Variants in AQR observed in about 807,000 individuals in gnomAD.
AQR encodes the protein RNA helicase aquarius.
Under a neutral mutation model 180.5 loss-of-function variants are expected in AQR, and 61 were observed. The observed-to-expected ratio is 0.34, with a 90% CI of 0.28 to 0.42. AQR has a LOEUF of 0.42. AQR is among the 10% of genes least tolerant of loss of function. The pLI is 1.00. For missense variants in AQR, 1,281 were observed against 1,798.3 expected, an observed-to-expected ratio of 0.71 and a Z score of 5.20; for synonymous variants, 551 against 588.8, an observed-to-expected ratio of 0.94 and a Z score of 0.93.
intron 5 of AQR, among the ~76,000 whole-genome samples, chr15:34,947,006 G>C (rs1894137654): frequency 6.6e-6 from 1 of 152,218 alleles, no homozygotes; most frequent in African/African-American, 2.4e-5. Flanking sequence ...CCGTCTGGGA[G>C]GTGTGCCCAA....
chr15:34,964,314 G>GT, intron 1 of AQR, 24 bp from the exon 2 acceptor site: 1 of 1,567,024 alleles, frequency 6.4e-7, no homozygotes, highest in Non-Finnish European at 8.8e-7. Context: ...AGTATAAACA[G>GT]TAAGTCCCAG....
At chr15:34,948,992 CT>C (rs752603530) in intron 4 of AQR, among the ~76,000 whole-genome samples, 3 of 150,534 alleles carry the variant, frequency 2.0e-5, no homozygotes, top group South Asian at 4.2e-4. Flanking sequence ...TTACTTAAGG[CT>C]TTTTTTTTGT....
At chr15:34,902,117 T>C (rs1233367636) in intron 19 of AQR, among the ~76,000 whole-genome samples, 1 of 152,168 alleles carries the variant, frequency 6.6e-6, no homozygotes, top group African/African-American at 2.4e-5. Context: ...GGCATTTTTA[T>C]TGAACTCAAG....
intron 20 of AQR, among the ~76,000 whole-genome samples, chr15:34,899,727 G>T (rs1893301828): frequency 6.6e-6 from 1 of 151,528 alleles, no homozygotes; most frequent in Non-Finnish European, 1.5e-5. Flanking sequence ...TAATTTCTAG[G>T]CAAGAAAGTA....
intron 1 of AQR, among the ~76,000 whole-genome samples, chr15:34,967,588 G>GA (rs1197749864): frequency 1.3e-5 from 2 of 151,828 alleles, no homozygotes; most frequent in East Asian, 1.9e-4. Flanking sequence ...AAGGTGGGGA[G>GA]AAAAAAAATG....
At chr15:34,886,759 G>A in intron 24 of AQR, 98 bp from the exon 25 acceptor site, 13 of 1,244,178 alleles carry the variant, frequency 1.0e-5, no homozygotes, top group Middle Eastern at 2.3e-4. Flanking sequence ...GCAAAGAAGA[G>A]GAAAAAAAAC....
chr15:34,896,723 C>T (rs1181654112), intron 22 of AQR, among the ~76,000 whole-genome samples, 174 bp downstream of exon 22: 1 of 152,032 alleles, frequency 6.6e-6, no homozygotes, highest in South Asian at 2.1e-4. Context: ...GTGGCGGGTA[C>T]CTGTAATCTC....
At chr15:34,956,120 T>C (rs991390807) in intron 3 of AQR, among the ~76,000 whole-genome samples, 3 of 152,192 alleles carry the variant, frequency 2.0e-5, no homozygotes, top group Admixed American at 6.5e-5. Context: ...TATGAATTAT[T>C]ACTATAATTC....
rs1894073020 is a variant in AQR, at chr15:34,944,145, T to C, written c.471+143A>G. 1.3e-5 allele frequency: 9 copies of C among 679,166 alleles called. 1 individual carries two copies. In the Admixed American group the frequency reaches 2.6e-4, roughly 20 times the overall value. 42.1% of individuals were successfully genotyped at this position (679,166 alleles called of 1,614,324 possible). ...CTTATAAAATGGTTTTACTGATAAG[T>C]GGCTGAAATCAAGCTTTTAGCATTA... On this transcript the variant is annotated intron_variant, in intron 6 of 34. Transcript: ENST00000156471.
rs1229807999 is a variant in AQR at position 34,969,692 on chromosome 15, G to C, written c.-79C>G. On this transcript the variant is annotated 5_prime_UTR_variant, in exon 1 of 35. Coordinates refer to ENST00000156471, the MANE Select transcript of AQR (RefSeq NM_014691.3). ...GGCAACCCTGGTCCACTTCCCTTAA[G>C]TTACTGCCGGGGCGCTTAACTCCGC... is the stretch of plus-strand genomic sequence containing the variant. 4.8e-6 allele frequency: 7 copies of C among 1,443,302 alleles called. No individual in the cohort carries two copies. Among genetic ancestry groups the C allele is most frequent in the South Asian group, 2.5e-5 (2 of 79,722 alleles). The allele number at this position is 1,443,302 out of a possible 1,614,324, so 89.4% of individuals were successfully genotyped here.
At position 34,861,247 on chromosome 15, in the gene AQR, AT is replaced by A. The variant is rs140871668; in HGVS notation, c.4030-1093del. Among the ~76,000 whole-genome samples the A allele has an allele frequency of 2.9e-3, 435 of 152,314 alleles. 3 individuals carry two copies. Among genetic ancestry groups the A allele is most frequent in the Middle Eastern group, 0.014 (4 of 294 alleles). ...ATGGCAGCATTCCATCTAAGCAGGTATTCTTTTGATTAATGGTCATTTTCTG... is the reference window on the plus strand; with the variant it reads ...ATGGCAGCATTCCATCTAAGCAGGTATCTTTTGATTAATGGTCATTTTCTG... On this transcript the variant is annotated intron_variant, in intron 33 of 34. Coordinates refer to ENST00000156471, the MANE Select transcript of AQR (RefSeq NM_014691.3).
chr15:34,863,604 C>A (rs1268613124), intron 32 of AQR, among the ~76,000 whole-genome samples: 1 of 152,082 alleles, frequency 6.6e-6, no homozygotes, highest in African/African-American at 2.4e-5. Context: ...CATGTTTTAT[C>A]CATGTATTTA....
At chr15:34,920,130 C>A (rs930078172) in intron 14 of AQR, among the ~76,000 whole-genome samples, 1 of 151,682 alleles carries the variant, frequency 6.6e-6, no homozygotes, top group Non-Finnish European at 1.5e-5. Flanking sequence ...GAAAGTAGTT[C>A]GAAGAGATAA....
chr15:34,888,610 T>C (rs765526446), intron 24 of AQR, among the ~76,000 whole-genome samples: 1 of 151,862 alleles, frequency 6.6e-6, no homozygotes, highest in Non-Finnish European at 1.5e-5. Flanking sequence ...GGCAGGAGAA[T>C]TGCTTGAACC....
intron 8 of AQR, 71 bp from the exon 9 acceptor site, chr15:34,938,884 G>T: frequency 2.7e-6 from 3 of 1,110,718 alleles, no homozygotes; most frequent in South Asian, 1.3e-5. Flanking sequence ...TTTAAATGTT[G>T]ACCACGGCTT....
Position 34,948,330 on chromosome 15 carries a change from C to T in AQR, c.264G>A (p.Lys88=), listed in dbSNP as rs971379514. ...TACAGCAGATTGACATTAAATAGGC[C>T]TTGCTAGATACCTCAGGAGAATAAT... The part of the protein sequence containing the change: ...WMNYSPEVSS[K]AYLMSICCMV... The change falls in exon 5 of 35, where the codon AAG becomes AAA. Residue 88 remains lysine (K), a synonymous_variant. Transcript: ENST00000156471. 43 of 1,613,318 alleles carry T rather than the reference C, an allele frequency of 2.7e-5. No homozygotes were observed. The highest frequency in any genetic ancestry group is 3.3e-5 in the Non-Finnish European group (39 of 1,179,948).
chr15:34,870,363 G>C (rs2140461338), intron 31 of AQR: 1 of 153,964 alleles, frequency 6.5e-6, no homozygotes, highest in African/African-American at 2.4e-5. Flanking sequence ...AAAATCCCAA[G>C]GTCTGAATAC....
intron 22 of AQR, among the ~76,000 whole-genome samples, chr15:34,895,563 A>C (rs1163344085): frequency 6.6e-6 from 1 of 152,166 alleles, no homozygotes; most frequent in Admixed American, 6.5e-5. Context: ...TATTAATATC[A>C]GACAAAGTAG....
intron 26 of AQR, among the ~76,000 whole-genome samples, chr15:34,882,925 C>T (rs1462015320): frequency 6.6e-5 from 10 of 152,034 alleles, no homozygotes; most frequent in Admixed American, 2.6e-4. Flanking sequence ...TATTACTCAA[C>T]GTCCCTCCAG....
Sources: allele counts gnomAD v4.1 joint callset (sites outside exome capture counted in the v4.1 genomes callset), GRCh38; gene constraint gnomAD v4.1.1; transcripts MANE v1.5; gene names NCBI Gene and HGNC (gene_info 2026-07-23, HGNC 2026-07-21).